Variants in MAN2B2 observed in about 807,000 individuals in gnomAD.
The protein encoded by MAN2B2 is epididymis-specific alpha-mannosidase.
In MAN2B2, 106 loss-of-function variants were observed where a neutral mutation model predicts 117.1. The ratio of observed to expected loss-of-function variants is 0.90; its 90% CI spans 0.77 to 1.06. MAN2B2 has a LOEUF of 1.06. Ranked by LOEUF, MAN2B2 falls within the 50% of genes least tolerant of loss-of-function variation. MAN2B2 has a pLI of 0.00. For missense variants in MAN2B2, 1,326 were observed against 1,381.4 expected (o/e 0.96, Z 0.64); for synonymous variants, 544 against 595.1 (o/e 0.91, Z 1.25).
At chr4:6,616,493 C>T (rs571054147) in intron 16 of MAN2B2, among the ~76,000 whole-genome samples, 1 of 152,196 alleles carries the variant, frequency 6.6e-6, no homozygotes, top group African/African-American at 2.4e-5. Flanking sequence ...GTGGGGTTAG[C>T]AGGAAGGTTT....
rs1560635139 is a variant in MAN2B2, at chr4:6,579,343, T to TCACCAC, written c.391+850_391+851insCCACCA. The stretch of plus-strand genomic sequence containing the variant: ...ATCACCACCACCACCACCACCACCA[T>TCACCAC]CACCATCACCACCACCATCACCATC... On this transcript the variant is annotated intron_variant, in intron 3 of 18. Coordinates refer to ENST00000285599, the MANE Select transcript of MAN2B2 (RefSeq NM_015274.3). Among the ~76,000 whole-genome samples, 2 of 28,474 alleles carry TCACCAC rather than the reference T, an allele frequency of 7.0e-5. 1 individual carries two copies. Among genetic ancestry groups the TCACCAC allele is most frequent in the Non-Finnish European group, 1.4e-4 (2 of 14,768 alleles). 18.7% of individuals were successfully genotyped at this position (28,474 alleles called of 152,430 possible). A position where few individuals can be genotyped will look rare whatever the true frequency, so the allele number is the denominator to read the frequency against.
At chr4:6,583,305 C>T (rs1159057490) in intron 3 of MAN2B2, among the ~76,000 whole-genome samples, 1 of 152,196 alleles carries the variant, frequency 6.6e-6, no homozygotes, top group African/African-American at 2.4e-5. Flanking sequence ...TATTTTGCTC[C>T]CAGTCCATTG....
In MAN2B2 at chr4:6,619,901, C is replaced by T. The variant is rs113196236; in HGVS notation, c.2815-26C>T. 4.5e-4 allele frequency: 727 copies of T among 1,599,824 alleles called. 4 individuals are homozygous for T. In the African/African-American group the frequency reaches 8.4e-3, roughly 18 times the overall value. ...CAGCTCTGGAACTTGGTGCAGCTCA[C>T]TCTCCCTCTGCTCCTCTCCCTGCAG... On this transcript the variant is annotated intron_variant, in intron 17 of 18. Coordinates refer to ENST00000285599, the MANE Select transcript of MAN2B2 (RefSeq NM_015274.3).
At chr4:6,586,340 C>A (rs947513418) in intron 3 of MAN2B2, among the ~76,000 whole-genome samples, 3 of 152,204 alleles carry the variant, frequency 2.0e-5, no homozygotes, top group Admixed American at 2.0e-4. Flanking sequence ...GGATGACAGG[C>A]GTGAGCCACA....
intron 9 of MAN2B2, 22 bp downstream of exon 9, chr4:6,598,376 G>A: frequency 6.2e-7 from 1 of 1,600,452 alleles, no homozygotes; most frequent in Non-Finnish European, 8.5e-7. Flanking sequence ...CCTGCAGGGA[G>A]GCTGTGGCCC....
intron 4 of MAN2B2, among the ~76,000 whole-genome samples, chr4:6,587,572 T>C (rs1364397134): frequency 6.6e-6 from 1 of 152,192 alleles, no homozygotes; most frequent in East Asian, 1.9e-4. Flanking sequence ...GCTGTGATTC[T>C]TCAGGTGTGA....
At chr4:6,588,237 A>G (rs1726717693) in intron 4 of MAN2B2, among the ~76,000 whole-genome samples, 1 of 152,020 alleles carries the variant, frequency 6.6e-6, no homozygotes, top group South Asian at 2.1e-4. Flanking sequence ...GCTCCCTCTG[A>G]AGGTGTGAGG....
chr4:6,589,750 G>C (rs1199081898), intron 5 of MAN2B2, among the ~76,000 whole-genome samples: 3 of 152,168 alleles, frequency 2.0e-5, no homozygotes. Context: ...ATTGCTTCTT[G>C]TTATGAGTCC....
At chr4:6,613,882 A>G (rs1220717583) in intron 15 of MAN2B2, among the ~76,000 whole-genome samples, 3 of 152,078 alleles carry the variant, frequency 2.0e-5, no homozygotes, top group Non-Finnish European at 2.9e-5. Flanking sequence ...AAGAAAGGAG[A>G]GAGAGAGGAG....
chr4:6,604,867 A>C (rs1727474524), intron 10 of MAN2B2, among the ~76,000 whole-genome samples, 188 bp from the exon 11 acceptor site: 1 of 152,066 alleles, frequency 6.6e-6, no homozygotes, highest in Non-Finnish European at 1.5e-5. Flanking sequence ...AGGTCGCTGA[A>C]GGGTTCTCCC....
At chr4:6,582,251 T>C (rs1301562858) in intron 3 of MAN2B2, among the ~76,000 whole-genome samples, 1 of 152,146 alleles carries the variant, frequency 6.6e-6, no homozygotes, top group African/African-American at 2.4e-5. Flanking sequence ...GAATCCGCGA[T>C]CCCTCTCCTG....
intron 15 of MAN2B2, 46 bp downstream of exon 15, chr4:6,611,324 C>G: frequency 6.5e-7 from 1 of 1,538,560 alleles, no homozygotes; most frequent in African/African-American, 1.4e-5. Flanking sequence ...GCCTCAGCAC[C>G]AGCCAGGCCA....
chr4:6,581,097 C>T (rs947356797), intron 3 of MAN2B2, among the ~76,000 whole-genome samples: 4 of 151,928 alleles, frequency 2.6e-5, no homozygotes, highest in African/African-American at 9.7e-5. Context: ...TTTCAGTCCT[C>T]AGGGCAATCT....
chr4:6,613,571 T>G (rs1440109742), intron 15 of MAN2B2, among the ~76,000 whole-genome samples: 2 of 130,714 alleles, frequency 1.5e-5, no homozygotes, highest in Non-Finnish European at 3.1e-5. Flanking sequence ...CAAGTCCCTA[T>G]CTACAAGGAA....
chr4:6,604,902 C>T (rs1188959075), intron 10 of MAN2B2, among the ~76,000 whole-genome samples, 153 bp from the exon 11 acceptor site: 15 of 151,852 alleles, frequency 9.9e-5, no homozygotes, highest in Non-Finnish European at 2.9e-5. Flanking sequence ...TTGTGGGGGT[C>T]CAAGGGGAGA....
At chr4:6,599,124 T>A (rs1727222103) in intron 9 of MAN2B2, among the ~76,000 whole-genome samples, 1 of 152,158 alleles carries the variant, frequency 6.6e-6, no homozygotes, top group Non-Finnish European at 1.5e-5. Context: ...TGAGACAGGG[T>A]CTCGCTGTGT....
At chr4:6,620,326 G>A (rs1419194858) in intron 18 of MAN2B2, 3 of 327,496 alleles carry the variant, frequency 9.2e-6, no homozygotes, top group African/African-American at 6.4e-5. Context: ...GTGACAGCTA[G>A]GGGCCCAGGG....
At chr4:6,613,654 A>C (rs1435664884) in intron 15 of MAN2B2, among the ~76,000 whole-genome samples, 1 of 129,650 alleles carries the variant, frequency 7.7e-6, no homozygotes, top group Non-Finnish European at 1.6e-5. Context: ...GAAGAGAGGG[A>C]TGGAAGGAAG....
At chr4:6,576,509 A>T in intron 1 of MAN2B2, 69 bp from the exon 2 acceptor site, 1 of 1,575,964 alleles carries the variant, frequency 6.3e-7, no homozygotes, top group South Asian at 1.1e-5. Context: ...ACACCTGGCG[A>T]ATGGCAGGGG....
Sources: allele counts gnomAD v4.1 joint callset (sites outside exome capture counted in the v4.1 genomes callset), GRCh38; gene constraint gnomAD v4.1.1; transcripts MANE v1.5; gene names NCBI Gene and HGNC (gene_info 2026-07-23, HGNC 2026-07-21).